CPXCR1: variants seen among roughly 807,000 people sequenced by gnomAD.
CPXCR1 encodes the protein CPX chromosome region candidate 1.
CPXCR1 carries 15 observed loss-of-function variants against 13.8 expected under a neutral mutation model. The ratio of observed to expected loss-of-function variants is 1.09; its 90% CI spans 0.73 to 1.67. The LOEUF (loss-of-function observed/expected upper bound fraction) is 1.67. Among genes scored for constraint, CPXCR1 ranks in the 40% most tolerant of loss-of-function variants. The pLI is 0.00. For synonymous variants in CPXCR1, 70 were observed against 76.7 expected, an observed-to-expected ratio of 0.91 and a Z score of 0.46; for missense variants, 247 against 223.6, an observed-to-expected ratio of 1.10 and a Z score of -0.67.
rs766240710 is a variant in CPXCR1, at chrX:88,754,080, C to T, written c.666C>T (p.Asp222=). 1 of 1,209,106 alleles carries T rather than the reference C, an allele frequency of 8.3e-7. No individual in the cohort carries two copies. The highest frequency in any genetic ancestry group is 1.1e-6 in the Non-Finnish European group (1 of 893,457). ...CAGGAAAATTTTGCAAATCAACTGA[C>T]ACTAAAGGGAAATGTAGATTCCGTG... is the stretch of plus-strand genomic sequence containing the variant. The part of the protein sequence containing the change: ...MTSGKFCKST[D]TKGKCRFRAI... The change falls in exon 3 of 3, where the codon GAC becomes GAT. Residue 222 remains aspartate (D), a synonymous_variant. Coordinates refer to ENST00000276127, the MANE Select transcript of CPXCR1 (RefSeq NM_033048.6).
chrX:88,749,927 G>A (rs983449096), intron 2 of CPXCR1, among the ~76,000 whole-genome samples: 4 of 108,771 alleles, frequency 3.7e-5, no homozygotes, highest in African/African-American at 1.3e-4. Flanking sequence ...CACTGATTTT[G>A]TATCCTGAGA....
intron 2 of CPXCR1, among the ~76,000 whole-genome samples, chrX:88,750,601 G>A (rs1216113550): frequency 8.9e-6 from 1 of 111,989 alleles, no homozygotes; most frequent in Non-Finnish European, 1.9e-5. Context: ...ATGAGTTAGG[G>A]AGGAGTCCCT....
rs1377535762 is a variant in CPXCR1, at chrX:88,753,975, C to T, written c.561C>T (p.Phe187=). 8.3e-7 allele frequency: 1 copy of T among 1,207,219 alleles called. No homozygotes were observed. Among genetic ancestry groups the T allele is most frequent in the Non-Finnish European group, 1.1e-6 (1 of 893,563 alleles). Residue 187 remains phenylalanine (F), a synonymous_variant, in exon 3 of 3, where the codon TTC becomes TTT. Transcript: ENST00000276127. The part of the protein sequence containing the change: ...YIACLYHPNS[F]THHERAITFR... ...CATGTCTTTACCATCCAAATAGTTT[C>T]ACCCATCACGAGAGAGCCATAACAT...
At chrX:88,748,527 C>G (rs954580108) in intron 1 of CPXCR1, among the ~76,000 whole-genome samples, 18 of 110,081 alleles carry the variant, frequency 1.6e-4, no homozygotes, top group African/African-American at 5.3e-4. Flanking sequence ...TATTTCCAAA[C>G]ATATGTCCAA....
At chrX:88,751,122 T>A (rs1924905099) in intron 2 of CPXCR1, among the ~76,000 whole-genome samples, 1 of 111,493 alleles carries the variant, frequency 9.0e-6, no homozygotes, top group African/African-American at 3.3e-5. Context: ...CTTTTGAATT[T>A]GTTTGCCCTT....
intron 2 of CPXCR1, among the ~76,000 whole-genome samples, chrX:88,751,341 C>T (rs1924913079): frequency 8.9e-6 from 1 of 111,817 alleles, no homozygotes; most frequent in African/African-American, 3.3e-5. Context: ...AGTAGTCATT[C>T]AGGAGCAGGT....
chrX:88,750,030 A>G (rs988550856), intron 2 of CPXCR1, among the ~76,000 whole-genome samples: 1 of 110,487 alleles, frequency 9.1e-6, no homozygotes, highest in Non-Finnish European at 1.9e-5. Context: ...AAACAGAGGC[A>G]ATTTGACTTC....
At position 88,754,313 on chromosome X, in the gene CPXCR1, G is replaced by A. The variant is rs750731233; in HGVS notation, c.899G>A (p.Gly300Glu). The A allele has an allele frequency of 6.5e-6, 7 of 1,069,243 alleles. No individual in the cohort carries two copies. The highest frequency in any genetic ancestry group is 7.4e-6 in the Non-Finnish European group (6 of 808,597). 88.1% of individuals were successfully genotyped at this position (1,069,243 alleles called of 1,213,427 possible). A position where few individuals can be genotyped will look rare whatever the true frequency, so the allele number is the denominator to read the frequency against. The change falls in exon 3 of 3, where the codon GGG (glycine) becomes GAG (glutamate). Residue 300 changes from glycine (G) to glutamate (E), a missense_variant. By Grantham distance (98) the Gly-to-Glu change is moderately conservative. Coordinates refer to ENST00000276127, the MANE Select transcript of CPXCR1 (RefSeq NM_033048.6). The stretch of plus-strand genomic sequence containing the variant: ...AGACAACATTCATGCAGCTCTTCTG[G>A]GAATTAAATTAAATTGGGGTAAATT... ...ELRQHSCSSS[G>E]N
At chrX:88,750,166 T>A (rs1369078130) in intron 2 of CPXCR1, among the ~76,000 whole-genome samples, 3 of 111,289 alleles carry the variant, frequency 2.7e-5, no homozygotes, top group Non-Finnish European at 5.6e-5. Flanking sequence ...TCAAAGGGAA[T>A]GCTTTCAGTT....
intron 1 of CPXCR1, among the ~76,000 whole-genome samples, chrX:88,748,905 C>A (rs1009550191): frequency 9.3e-6 from 1 of 107,147 alleles, no homozygotes; most frequent in Non-Finnish European, 1.9e-5. Flanking sequence ...AAAATCTACC[C>A]TTTTAGCAAT....
intron 2 of CPXCR1, among the ~76,000 whole-genome samples, chrX:88,752,158 G>A (rs1924936004): frequency 8.9e-6 from 1 of 111,859 alleles, no homozygotes; most frequent in Non-Finnish European, 1.9e-5. Context: ...CTCTCATAGA[G>A]TAGAAGTGGA....
In CPXCR1 at chrX:88,754,075, A is replaced by C; in HGVS notation, c.661A>C (p.Thr221Pro). 6 of 1,210,044 alleles carry C rather than the reference A, an allele frequency of 5.0e-6. No individual in the cohort carries two copies. Among genetic ancestry groups the C allele is most frequent in the Non-Finnish European group, 6.7e-6 (6 of 894,201 alleles). The change falls in exon 3 of 3, where the codon ACT becomes CCT. Residue 221 changes from threonine to proline, a missense_variant. Physicochemically the swap from Thr to Pro is conservative, Grantham distance 38. Transcript: ENST00000276127. Reference protein sequence around the residue: ...RMTSGKFCKSTDTKGKCRFRA... With the variant: ...RMTSGKFCKSPDTKGKCRFRA... ...GACATCAGGAAAATTTTGCAAATCA[A>C]CTGACACTAAAGGGAAATGTAGATT... is the stretch of plus-strand genomic sequence containing the variant.
rs1248675009 is a variant in CPXCR1 at position 88,749,405 on chromosome X, C to A, written c.-27C>A. Reference sequence around the variant, plus strand: ...TCAGCCTTACTGAGAAGCAGCCAGTCATACTATCCTCAAATTTTGTGAGTT... The same window carrying A: ...TCAGCCTTACTGAGAAGCAGCCAGTAATACTATCCTCAAATTTTGTGAGTT... On this transcript the variant is annotated 5_prime_UTR_variant, in exon 2 of 3. Transcript: ENST00000276127. The A allele has an allele frequency of 9.0e-6, 1 of 110,974 alleles. No individual in the cohort carries two copies. The highest frequency in any genetic ancestry group is 1.9e-5 in the Non-Finnish European group (1 of 53,031). The allele number at this position is 110,974 out of a possible 1,213,427, so 9.1% of individuals were successfully genotyped here.
chrX:88,753,649 G>T lies in CPXCR1; in HGVS notation c.235G>T (p.Asp79Tyr). The T allele has an allele frequency of 3.3e-6, 4 of 1,207,744 alleles. No homozygotes were observed. Among genetic ancestry groups the T allele is most frequent in the Non-Finnish European group, 4.5e-6 (4 of 894,052 alleles). Residue 79 changes from aspartate (D) to tyrosine (Y), a missense_variant, in exon 3 of 3, where the codon GAT becomes TAT. Asp to Tyr is a radical substitution (Grantham distance 160). Coordinates refer to ENST00000276127, the MANE Select transcript of CPXCR1 (RefSeq NM_033048.6). ...NSELETEIQKDQREEDLKEEL... is the reference protein window; with the variant it reads ...NSELETEIQKYQREEDLKEEL... The stretch of plus-strand genomic sequence containing the variant: ...CGAGCTCGAAACAGAGATCCAAAAA[G>T]ATCAACGAGAAGAAGATCTAAAAGA...
chrX:88,754,246 T>C lies in CPXCR1; in HGVS notation c.832T>C (p.Cys278Arg), dbSNP rs138392325. The C allele has an allele frequency of 8.5e-5, 101 of 1,181,856 alleles. No individual in the cohort carries two copies. The African/African-American group carries it at 1.6e-3, about 19-fold the overall frequency. ...TNTNNGWKYFCPICGRLFNTY... is the reference protein window; with the variant it reads ...TNTNNGWKYFRPICGRLFNTY... ...CACCAATAATGGTTGGAAATACTTT[T>C]GTCCCATCTGTGGAAGGCTTTTTAA... The change falls in exon 3 of 3, where the codon TGT becomes CGT. Residue 278 changes from cysteine (C) to arginine (R), a missense_variant. Coordinates refer to ENST00000276127, the MANE Select transcript of CPXCR1 (RefSeq NM_033048.6).
Position 88,753,954 on chromosome X carries a change from T to C in CPXCR1, c.540T>C (p.Cys180=). ...TMWVKRKYIA[C]LYHPNSFTHH... is the part of the protein sequence containing the mutation. Reference sequence around the variant, plus strand: ...GGGTAAAGCGAAAATATATAGCATGTCTTTACCATCCAAATAGTTTCACCC... The same window carrying C: ...GGGTAAAGCGAAAATATATAGCATGCCTTTACCATCCAAATAGTTTCACCC... The change falls in exon 3 of 3, where the codon TGT becomes TGC. Residue 180 remains cysteine (C), a synonymous_variant. Coordinates refer to ENST00000276127, the MANE Select transcript of CPXCR1 (RefSeq NM_033048.6). 2 of 1,210,196 alleles carry C rather than the reference T, an allele frequency of 1.7e-6. No homozygotes were observed. The highest frequency in any genetic ancestry group is 4.6e-4 in the Middle Eastern group (2 of 4,352).
Position 88,754,639 on chromosome X carries a change from C to A in CPXCR1, c.*319C>A. 1 of 160,491 alleles carries A rather than the reference C, an allele frequency of 6.2e-6. No individual in the cohort carries two copies. Among genetic ancestry groups the A allele is most frequent in the Non-Finnish European group, 1.3e-5 (1 of 78,201 alleles). 13.2% of individuals were successfully genotyped at this position (160,491 alleles called of 1,213,427 possible). A position where few individuals can be genotyped will look rare whatever the true frequency, so the allele number is the denominator to read the frequency against. ...GTAAATATTGTTAACATAAAAGAAT[C>A]CAAGTTAACAGGATCCTGACTAAGA... On this transcript the variant is annotated 3_prime_UTR_variant, in exon 3 of 3. Coordinates refer to ENST00000276127, the MANE Select transcript of CPXCR1 (RefSeq NM_033048.6).
intron 2 of CPXCR1, among the ~76,000 whole-genome samples, chrX:88,752,272 G>C (rs1337355228): frequency 9.0e-6 from 1 of 111,332 alleles, no homozygotes; most frequent in Non-Finnish European, 1.9e-5. Flanking sequence ...AGAGTGGTGA[G>C]TGTAGAGTTT....
chrX:88,754,339 C>A lies in CPXCR1; in HGVS notation c.*19C>A. On this transcript the variant is annotated 3_prime_UTR_variant, in exon 3 of 3. Coordinates refer to ENST00000276127, the MANE Select transcript of CPXCR1 (RefSeq NM_033048.6). ...GAATTAAATTAAATTGGGGTAAATT[C>A]ATTTTAAAATATAACTTCTAAAATT... 1 of 992,606 alleles carries A rather than the reference C, an allele frequency of 1.0e-6. No homozygotes were observed. Among genetic ancestry groups the A allele is most frequent in the Non-Finnish European group, 1.4e-6 (1 of 738,077 alleles). The allele number at this position is 992,606 out of a possible 1,213,427, so 81.8% of individuals were successfully genotyped here. A position where few individuals can be genotyped will look rare whatever the true frequency, so the allele number is the denominator to read the frequency against.
Sources: allele counts gnomAD v4.1 joint callset (sites outside exome capture counted in the v4.1 genomes callset), GRCh38; gene constraint gnomAD v4.1.1; transcripts MANE v1.5; gene names NCBI Gene and HGNC (gene_info 2026-07-23, HGNC 2026-07-21).